The following SDHAF3 variants were observed in gnomAD, a reference collection of about 807,000 sequenced individuals.
The protein encoded by SDHAF3 is succinate dehydrogenase assembly factor 3, mitochondrial.
In SDHAF3, 18 loss-of-function variants were observed where a neutral mutation model predicts 11.5. The ratio of observed to expected loss-of-function variants is 1.56; its 90% CI spans 1.08 to 2.32. The LOEUF is 2.32. Ranked by LOEUF, SDHAF3 falls within the 30% of genes most tolerant of loss-of-function variation. SDHAF3 has a pLI of 0.00. For synonymous variants in SDHAF3, 72 were observed against 59.3 expected (o/e 1.21, Z -0.99); for missense variants, 200 against 154.4 (o/e 1.30, Z -1.57).
intron 1 of SDHAF3, among the ~76,000 whole-genome samples, chr7:97,172,167 G>A (rs1789609973): frequency 1.3e-5 from 2 of 152,100 alleles, no homozygotes; most frequent in South Asian, 2.1e-4. Flanking sequence ...TACATGTTTT[G>A]TAGCATATTC....
At chr7:97,132,927 C>G (rs1791692507) in intron 1 of SDHAF3, among the ~76,000 whole-genome samples, 1 of 152,152 alleles carries the variant, frequency 6.6e-6, no homozygotes. Flanking sequence ...TGGCAGCAGA[C>G]TCACATTACT....
intron 1 of SDHAF3, 66 bp from the exon 2 acceptor site, chr7:97,180,946 C>G (rs1789761887): frequency 1.5e-6 from 2 of 1,363,748 alleles, no homozygotes; most frequent in Admixed American, 5.3e-5. Context: ...AATTAGAATT[C>G]AAGTCCTCTA....
intron 1 of SDHAF3, among the ~76,000 whole-genome samples, chr7:97,144,528 A>C (rs1358773346): frequency 6.6e-6 from 1 of 152,178 alleles, no homozygotes; most frequent in Non-Finnish European, 1.5e-5. Context: ...ATTCTCTTAC[A>C]TGTGGCTAGC....
chr7:97,119,557 A>T (rs893357059), intron 1 of SDHAF3, among the ~76,000 whole-genome samples: 8 of 152,178 alleles, frequency 5.3e-5, no homozygotes, highest in African/African-American at 1.9e-4. Flanking sequence ...CATCTTACAT[A>T]ATCAGGGTAC....
At chr7:97,126,408 G>A (rs1009021836) in intron 1 of SDHAF3, among the ~76,000 whole-genome samples, 3 of 152,180 alleles carry the variant, frequency 2.0e-5, no homozygotes, top group Non-Finnish European at 2.9e-5. Context: ...TGCTGAAGTT[G>A]TGCCCACAGC....
chr7:97,165,699 T>A (rs930203146), intron 1 of SDHAF3, among the ~76,000 whole-genome samples: 1 of 152,238 alleles, frequency 6.6e-6, no homozygotes, highest in African/African-American at 2.4e-5. Context: ...TCTATGTGTT[T>A]TTGTGAAACT....
chr7:97,128,601 C>G (rs1240096920), intron 1 of SDHAF3, among the ~76,000 whole-genome samples: 1 of 151,592 alleles, frequency 6.6e-6, no homozygotes, highest in African/African-American at 2.4e-5. Flanking sequence ...AGGTAATGTG[C>G]AATCTTAAAA....
chr7:97,124,909 G>T (rs1379711714), intron 1 of SDHAF3, among the ~76,000 whole-genome samples: 2 of 152,062 alleles, frequency 1.3e-5, no homozygotes, highest in Non-Finnish European at 2.9e-5. Flanking sequence ...GAGACGATGG[G>T]GTTTTCTAAA....
intron 1 of SDHAF3, chr7:97,135,660 GTGTGT>G (rs1791749850): frequency 1.1e-5 from 1 of 89,840 alleles, no homozygotes; most frequent in Non-Finnish European, 2.2e-5. Flanking sequence ...GTGTGTGTGT[GTGTGT>G]GTGTATATAT....
intron 1 of SDHAF3, among the ~76,000 whole-genome samples, chr7:97,149,910 A>G (rs758059192): frequency 1.4e-4 from 21 of 152,226 alleles, no homozygotes; most frequent in Non-Finnish European, 2.4e-4. Context: ...GTTGAAGTCT[A>G]TCCCCTCAAA....
intron 1 of SDHAF3, among the ~76,000 whole-genome samples, chr7:97,140,302 T>C (rs1335954305): frequency 6.6e-6 from 1 of 152,010 alleles, no homozygotes; most frequent in Non-Finnish European, 1.5e-5. Context: ...AATCTCTATG[T>C]CTTAAATTTC....
intron 1 of SDHAF3, among the ~76,000 whole-genome samples, chr7:97,132,650 T>C (rs892040546): frequency 6.6e-6 from 1 of 152,160 alleles, no homozygotes; most frequent in African/African-American, 2.4e-5. Context: ...TTTTCCCCTA[T>C]GTTTTATAGA....
chr7:97,155,834 A>G (rs1448809253), intron 1 of SDHAF3, among the ~76,000 whole-genome samples: 1 of 152,084 alleles, frequency 6.6e-6, no homozygotes, highest in Non-Finnish European at 1.5e-5. Context: ...GAACTGTCTT[A>G]CAATTAGCTA....
At chr7:97,163,168 C>CTTTT (rs58956333) in intron 1 of SDHAF3, among the ~76,000 whole-genome samples, 3 of 125,030 alleles carry the variant, frequency 2.4e-5, no homozygotes, top group East Asian at 2.4e-4. Flanking sequence ...GTTTAAAGTC[C>CTTTT]TTTTTTTTTT....
intron 1 of SDHAF3, among the ~76,000 whole-genome samples, chr7:97,149,458 C>G (rs1304095121): frequency 6.6e-6 from 1 of 151,850 alleles, no homozygotes; most frequent in African/African-American, 2.4e-5. Context: ...AATGGCAAAA[C>G]CACTGTAGTA....
intron 1 of SDHAF3, among the ~76,000 whole-genome samples, chr7:97,178,344 G>A (rs886771712): frequency 6.6e-5 from 10 of 152,164 alleles, no homozygotes; most frequent in African/African-American, 2.2e-4. Context: ...GTGTATACAA[G>A]TATGTGTTTG....
At chr7:97,165,400 A>G (rs543823027) in intron 1 of SDHAF3, among the ~76,000 whole-genome samples, 1 of 86,464 alleles carries the variant, frequency 1.2e-5, no homozygotes, top group Non-Finnish European at 2.3e-5. Context: ...TTTGGTTACC[A>G]GTTAGCATTC....
intron 1 of SDHAF3, among the ~76,000 whole-genome samples, chr7:97,152,945 T>G (rs1470917467): frequency 6.6e-6 from 1 of 152,224 alleles, no homozygotes; most frequent in Non-Finnish European, 1.5e-5. Flanking sequence ...ATTACAGGCA[T>G]GAACCACTGC....
At chr7:97,121,833 GT>G (rs1019115624) in intron 1 of SDHAF3, among the ~76,000 whole-genome samples, 1 of 147,560 alleles carries the variant, frequency 6.8e-6, no homozygotes, top group African/African-American at 2.5e-5. Flanking sequence ...ACAGTATGAG[GT>G]TTTTTGGTTT....
Sources: allele counts gnomAD v4.1 joint callset (sites outside exome capture counted in the v4.1 genomes callset), GRCh38; gene constraint gnomAD v4.1.1; transcripts MANE v1.5; gene names NCBI Gene and HGNC (gene_info 2026-07-23, HGNC 2026-07-21).